Variants in KAT6A observed in about 807,000 individuals in gnomAD.
The protein encoded by KAT6A is histone acetyltransferase KAT6A.
KAT6A carries 9 observed loss-of-function variants against 198.4 expected under a neutral mutation model. That is an observed-to-expected ratio of 0.05 (90% CI 0.03 to 0.08). The LOEUF (loss-of-function observed/expected upper bound fraction) is 0.08. Among genes scored for constraint, KAT6A ranks in the 10% least tolerant of loss-of-function variants. KAT6A has a pLI of 1.00. For missense variants in KAT6A, 2,077 were observed against 2,509.9 expected (o/e 0.83, Z 3.69); for synonymous variants, 890 against 883.0 (o/e 1.01, Z -0.14).
intron 2 of KAT6A, among the ~76,000 whole-genome samples, chr8:42,038,689 A>C (rs1827493459): frequency 6.6e-6 from 1 of 152,234 alleles, no homozygotes; most frequent in South Asian, 2.1e-4. Flanking sequence ...CTGTGATCCA[A>C]GATTGCTACT....
intron 10 of KAT6A, among the ~76,000 whole-genome samples, 162 bp from the exon 11 acceptor site, chr8:41,948,074 G>A (rs1822484468): frequency 6.6e-6 from 1 of 152,214 alleles, no homozygotes; most frequent in Non-Finnish European, 1.5e-5. Context: ...TGAAATGGCA[G>A]TATTATGCTA....
At chr8:42,025,249 T>C (rs1006107686) in intron 2 of KAT6A, among the ~76,000 whole-genome samples, 2 of 152,254 alleles carry the variant, frequency 1.3e-5, no homozygotes, top group Non-Finnish European at 2.9e-5. Context: ...TTCCCTCTTG[T>C]TGCCCAGGCT....
chr8:42,002,835 T>C lies in KAT6A; in HGVS notation c.601-15272A>G, dbSNP rs544884214. On this transcript the variant is annotated intron_variant, in intron 2 of 16. Coordinates refer to ENST00000265713, the MANE Select transcript of KAT6A (RefSeq NM_006766.5). ...GTCAAACAGCTTTGTACTTACATCT[T>C]TACTACTTTTTGGATTATTTCCTTA... 3.0e-4 allele frequency among the ~76,000 whole-genome samples: 46 copies of C among 152,340 alleles called. No individual in the cohort carries two copies. In the South Asian group the frequency reaches 6.4e-3, roughly 21 times the overall value.
intron 2 of KAT6A, among the ~76,000 whole-genome samples, chr8:42,045,709 A>C (rs1232738400): frequency 6.6e-6 from 1 of 151,568 alleles, no homozygotes; most frequent in Non-Finnish European, 1.5e-5. Flanking sequence ...GCGGTGGATC[A>C]TTCCTATAAT....
intron 8 of KAT6A, among the ~76,000 whole-genome samples, chr8:41,958,688 T>C (rs935570126): frequency 6.6e-6 from 1 of 152,218 alleles, no homozygotes; most frequent in African/African-American, 2.4e-5. Context: ...TGCATGTGTA[T>C]AGCCCTAGTA....
intron 2 of KAT6A, among the ~76,000 whole-genome samples, chr8:41,992,092 TTGA>T (rs1824976160): frequency 1.3e-5 from 2 of 152,084 alleles, no homozygotes; most frequent in South Asian, 4.2e-4. Flanking sequence ...TCCCAGCTAC[TTGA>T]GAGGGTGAGG....
Position 42,051,956 on chromosome 8 carries a change from C to G in KAT6A, c.-381G>C, listed in dbSNP as rs1802690992. 6.6e-6 allele frequency: 1 copy of G among 151,210 alleles called. No individual in the cohort carries two copies. Among genetic ancestry groups the G allele is most frequent in the Non-Finnish European group, 1.5e-5 (1 of 67,798 alleles). 9.4% of individuals were successfully genotyped at this position (151,210 alleles called of 1,614,324 possible). A position where few individuals can be genotyped will look rare whatever the true frequency, so the allele number is the denominator to read the frequency against. On this transcript the variant is annotated 5_prime_UTR_variant, in exon 1 of 17. Transcript: ENST00000265713. ...CCCGGGCCGGACCGCGGAGATGCCCCAAACTGACACGGCCGCCATCTTGGA... is the reference window on the plus strand; with the variant it reads ...CCCGGGCCGGACCGCGGAGATGCCCGAAACTGACACGGCCGCCATCTTGGA...
chr8:42,031,510 A>G (rs1827122659), intron 2 of KAT6A, among the ~76,000 whole-genome samples: 2 of 150,812 alleles, frequency 1.3e-5, no homozygotes, highest in Admixed American at 1.3e-4. Flanking sequence ...AAAACACTCT[A>G]TGGGCATCGT....
chr8:42,010,025 G>A (rs1020228559), intron 2 of KAT6A, among the ~76,000 whole-genome samples: 2 of 151,934 alleles, frequency 1.3e-5, no homozygotes, highest in South Asian at 2.1e-4. Context: ...CAGGATAGTC[G>A]CAGTAGCTCA....
At chr8:42,023,386 T>C (rs74321368) in intron 2 of KAT6A, among the ~76,000 whole-genome samples, 3,103 of 152,356 alleles carry the variant, frequency 0.02, 95 homozygotes, top group African/African-American at 0.068. Flanking sequence ...TACCACAATG[T>C]AACTTTTTAC....
rs146679787 is a variant in KAT6A, at chr8:42,035,322, G to A, written c.600+13056C>T. ...TAAAGGAAGTTGATAAATTCCATCTGAGCCATTGTGAATCTGAAGAGACTG... is the reference window on the plus strand; with the variant it reads ...TAAAGGAAGTTGATAAATTCCATCTAAGCCATTGTGAATCTGAAGAGACTG... On this transcript the variant is annotated intron_variant, in intron 2 of 16. Coordinates refer to ENST00000265713, the MANE Select transcript of KAT6A (RefSeq NM_006766.5). 1.3e-3 allele frequency among the ~76,000 whole-genome samples: 193 copies of A among 152,288 alleles called. 4 individuals are homozygous for A. Among genetic ancestry groups the A allele is most frequent in the Admixed American group, 0.012 (179 of 15,302 alleles).
intron 15 of KAT6A, 91 bp from the exon 16 acceptor site, chr8:41,937,659 G>T: frequency 3.0e-6 from 3 of 1,002,148 alleles, no homozygotes; most frequent in Non-Finnish European, 2.9e-6. Context: ...AATAGAATTA[G>T]CACATATAAA....
chr8:41,981,970 A>T lies in KAT6A; in HGVS notation c.710-16T>A, dbSNP rs371074301. 1.1e-5 allele frequency: 15 copies of T among 1,419,718 alleles called. No homozygotes were observed. The highest frequency in any genetic ancestry group is 1.3e-5 in the Non-Finnish European group (13 of 1,004,042). 87.9% of individuals were successfully genotyped at this position (1,419,718 alleles called of 1,614,324 possible). A position where few individuals can be genotyped will look rare whatever the true frequency, so the allele number is the denominator to read the frequency against. ...GATGGATGGCCTAATACGAGGGAGA[A>T]CATTCATGAATGAAACAATCAAGAA... On this transcript the variant is annotated splice_polypyrimidine_tract_variant and intron_variant, in intron 3 of 16. Transcript: ENST00000265713.
intron 8 of KAT6A, among the ~76,000 whole-genome samples, chr8:41,972,622 C>G (rs985360466): frequency 6.6e-6 from 1 of 152,146 alleles, no homozygotes; most frequent in Non-Finnish European, 1.5e-5. Context: ...CACTTCAAAA[C>G]TGTCAAGGTC....
intron 2 of KAT6A, among the ~76,000 whole-genome samples, chr8:42,029,559 GT>G (rs200973214): frequency 1.4e-5 from 2 of 144,274 alleles, no homozygotes; most frequent in Non-Finnish European, 3.0e-5. Context: ...CACAGTTGTA[GT>G]TTTTTTTTGT....
Position 41,941,063 on chromosome 8 carries a change from G to T in KAT6A, c.2818C>A (p.Leu940Ile), listed in dbSNP as rs756361455. Residue 940 changes from leucine to isoleucine, a missense_variant, in exon 15 of 17, where the codon CTC becomes ATC. Leu to Ile is a conservative substitution (Grantham distance 5). Transcript: ENST00000265713. The part of the protein sequence containing the change: ...DGKPDLPKRR[L>I]SEGVEPWRGQ... ...CGCCAGGGCTCAACCCCCTCACTGA[G>T]TCTTCTCTTGGGAAGGTCAGGTTTC... 10 of 1,614,062 alleles carry T rather than the reference G, an allele frequency of 6.2e-6. No homozygotes were observed. In the African/African-American group the frequency reaches 1.1e-4, roughly 17 times the overall value.
chr8:42,028,220 A>G (rs1826933244), intron 2 of KAT6A, among the ~76,000 whole-genome samples: 1 of 152,214 alleles, frequency 6.6e-6, no homozygotes, highest in South Asian at 2.1e-4. Context: ...GCTGCTGGAT[A>G]AAATGTTCTG....
intron 2 of KAT6A, among the ~76,000 whole-genome samples, chr8:42,046,669 G>C (rs1339007781): frequency 6.6e-6 from 1 of 152,096 alleles, no homozygotes; most frequent in African/African-American, 2.4e-5. Flanking sequence ...TTTAATAATT[G>C]TAGAAATCCG....
chr8:41,991,670 T>C (rs1413812580), intron 2 of KAT6A, among the ~76,000 whole-genome samples: 1 of 152,192 alleles, frequency 6.6e-6, no homozygotes, highest in Non-Finnish European at 1.5e-5. Context: ...CTTTGGAATA[T>C]TCTTCAAGAA....
Sources: allele counts gnomAD v4.1 joint callset (sites outside exome capture counted in the v4.1 genomes callset), GRCh38; gene constraint gnomAD v4.1.1; transcripts MANE v1.5; gene names NCBI Gene and HGNC (gene_info 2026-07-23, HGNC 2026-07-21).